Variants in TBX5 observed in about 807,000 individuals in gnomAD.
TBX5 encodes the protein T-box transcription factor 5, also known as T-box transcription factor TBX5.
TBX5 carries 8 observed loss-of-function variants against 51.1 expected under a neutral mutation model. That is an observed-to-expected ratio of 0.16 (90% CI 0.09 to 0.28). TBX5 has a LOEUF of 0.28. Ranked by LOEUF, TBX5 falls within the 10% of genes least tolerant of loss-of-function variation. The pLI is 1.00. For synonymous variants in TBX5, 302 were observed against 266.4 expected (o/e 1.13, Z -1.30); for missense variants, 589 against 671.7 (o/e 0.88, Z 1.36).
chr12:114,404,080 G>A, intron 1 of TBX5, 144 bp from the exon 2 acceptor site: 2 of 764,480 alleles, frequency 2.6e-6, no homozygotes, highest in Middle Eastern at 3.7e-4. Flanking sequence ...CCAGCCGAAG[G>A]TGACTGCAGA....
intron 7 of TBX5, among the ~76,000 whole-genome samples, chr12:114,382,745 G>A (rs943013423): frequency 4.0e-5 from 6 of 151,820 alleles, no homozygotes; most frequent in Non-Finnish European, 7.4e-5. Flanking sequence ...TGCAGTGAGC[G>A]GAGATCGTGC....
chr12:114,401,991 C>CA (rs1158673759), intron 2 of TBX5, 71 bp from the exon 3 acceptor site: 3 of 1,350,120 alleles, frequency 2.2e-6, no homozygotes, highest in Non-Finnish European at 3.2e-6. Flanking sequence ...CAAACTCCCC[C>CA]AAAACACAGA....
chr12:114,385,642 T>C (rs1593866714), intron 6 of TBX5, 75 bp from the exon 7 acceptor site: 1 of 1,247,674 alleles, frequency 8.0e-7, no homozygotes, highest in East Asian at 2.3e-5. Context: ...CATGAGCTAA[T>C]AATAAATATC....
At chr12:114,380,272 A>G (rs1303616559) in intron 7 of TBX5, among the ~76,000 whole-genome samples, 2 of 152,186 alleles carry the variant, frequency 1.3e-5, no homozygotes, top group African/African-American at 2.4e-5. Context: ...TTGTTCTATA[A>G]AAAACCAGGG....
At chr12:114,398,776 T>G in intron 4 of TBX5, 56 bp from the exon 5 acceptor site, 3 of 1,564,732 alleles carry the variant, frequency 1.9e-6, no homozygotes, top group Admixed American at 3.8e-5. Context: ...GGTAGCGCAC[T>G]GCACCGAAGC....
intron 7 of TBX5, among the ~76,000 whole-genome samples, chr12:114,370,952 G>A (rs1344087823): frequency 1.3e-5 from 2 of 151,628 alleles, no homozygotes; most frequent in African/African-American, 2.4e-5. Flanking sequence ...TTCCTTCCAA[G>A]TCCCTATATC....
intron 2 of TBX5, among the ~76,000 whole-genome samples, chr12:114,403,377 C>T (rs1006919300): frequency 1.3e-4 from 20 of 150,370 alleles, no homozygotes; most frequent in African/African-American, 4.9e-4. Flanking sequence ...TGACCTGGCC[C>T]TTATTAAGAT....
intron 1 of TBX5, 40 bp from the exon 2 acceptor site, chr12:114,403,976 C>T: frequency 6.4e-7 from 1 of 1,568,186 alleles, no homozygotes; most frequent in Non-Finnish European, 8.6e-7. Context: ...GTGGGGAGGA[C>T]AGAGAGAGAA....
chr12:114,356,231 T>G, intron 8 of TBX5, 125 bp from the exon 9 acceptor site: 1 of 937,944 alleles, frequency 1.1e-6, no homozygotes, highest in Non-Finnish European at 1.7e-6. Flanking sequence ...TAACCGCCAT[T>G]CTGAATACAA....
Position 114,366,201 on chromosome 12 carries a change from C to T in TBX5, c.946G>A (p.Glu316Lys), listed in dbSNP as rs1869524551. 1.2e-6 allele frequency: 2 copies of T among 1,613,958 alleles called. No individual in the cohort carries two copies. The highest frequency in any genetic ancestry group is 1.3e-5 in the African/African-American group (1 of 74,870). The change falls in exon 8 of 9, where the codon GAG (glutamate) becomes AAG (lysine). Residue 316 changes from glutamate (E) to lysine (K), a missense_variant. Glu to Lys is a moderately conservative substitution (Grantham distance 56). This residue lies in a region of TBX5 where 348 missense variants were observed against 360.4 expected (regional missense o/e 0.97). Transcript: ENST00000405440. Reference protein sequence around the residue: ...PPPNPYPLPQEHSQIYHCTKR... With the variant: ...PPPNPYPLPQKHSQIYHCTKR... ...GTACAATGGTAAATTTGGCTATGCT[C>T]CTGGGGCAGTGGGTATGGGTTGGGT... is the stretch of plus-strand genomic sequence containing the variant.
intron 6 of TBX5, 28 bp from the exon 7 acceptor site, chr12:114,385,595 C>T: frequency 1.3e-6 from 2 of 1,584,870 alleles, no homozygotes; most frequent in Non-Finnish European, 1.7e-6. Flanking sequence ...AGAGAACAAG[C>T]TGGTTTTCAC....
chr12:114,400,946 C>T (rs930360744), intron 3 of TBX5, among the ~76,000 whole-genome samples: 1 of 152,216 alleles, frequency 6.6e-6, no homozygotes, highest in Admixed American at 6.5e-5. Context: ...TTCACACACT[C>T]GGTGGCTTGG....
intron 6 of TBX5, among the ~76,000 whole-genome samples, chr12:114,392,292 G>A (rs1005551324): frequency 1.3e-5 from 2 of 151,976 alleles, no homozygotes; most frequent in Non-Finnish European, 2.9e-5. Context: ...AAATAGCAAT[G>A]TAAAGGGTGT....
chr12:114,395,286 G>A (rs1438575941), intron 5 of TBX5, among the ~76,000 whole-genome samples: 1 of 152,108 alleles, frequency 6.6e-6, no homozygotes, highest in Admixed American at 6.5e-5. Context: ...AGGTGGTGTA[G>A]GGGCACGGGG....
At chr12:114,392,023 C>A (rs1236834542) in intron 6 of TBX5, among the ~76,000 whole-genome samples, 1 of 152,098 alleles carries the variant, frequency 6.6e-6, no homozygotes, top group Non-Finnish European at 1.5e-5. Flanking sequence ...CACAGCTCAA[C>A]TGGGCTCCCT....
intron 6 of TBX5, among the ~76,000 whole-genome samples, chr12:114,394,534 G>T (rs575751063): frequency 6.6e-6 from 1 of 152,306 alleles, no homozygotes; most frequent in South Asian, 2.1e-4. Context: ...CATATGTGTG[G>T]TGGTGACTGT....
chr12:114,385,715 A>G (rs1313199760), intron 6 of TBX5, 148 bp from the exon 7 acceptor site: 12 of 712,636 alleles, frequency 1.7e-5, no homozygotes, highest in Non-Finnish European at 2.5e-6. Flanking sequence ...AACGGGACCC[A>G]CCACTTCATT....
chr12:114,377,617 C>T (rs55987293), intron 7 of TBX5, among the ~76,000 whole-genome samples: 17,002 of 149,686 alleles, frequency 0.11, 1,047 homozygotes, highest in Middle Eastern at 0.15. Context: ...GATCTTCCTA[C>T]GTTGCTCTGG....
At chr12:114,396,205 G>GCCGCGCGTCTCTAATCTCCGGCCGC (rs1871414761) in intron 5 of TBX5, among the ~76,000 whole-genome samples, 2 of 151,874 alleles carry the variant, frequency 1.3e-5, no homozygotes, top group Admixed American at 1.3e-4. Context: ...CCGACCCCGG[G>GCCGCGCGTCTCTAATCTCCGGCCGC]CCGCGCGTCT....
Sources: allele counts gnomAD v4.1 joint callset (sites outside exome capture counted in the v4.1 genomes callset), GRCh38; gene constraint gnomAD v4.1.1; regional missense constraint gnomAD v4.1.1; transcripts MANE v1.5; gene names NCBI Gene and HGNC (gene_info 2026-07-23, HGNC 2026-07-21).